DLEC1: variants seen among roughly 807,000 people sequenced by gnomAD.
DLEC1 encodes the protein DLEC1 cilia and flagella associated protein, also known as deleted in lung and esophageal cancer protein 1.
Under a neutral mutation model 198.1 loss-of-function variants are expected in DLEC1, and 146 were observed. That is an observed-to-expected ratio of 0.74 (90% CI 0.64 to 0.85). The LOEUF is 0.85. Among genes scored for constraint, DLEC1 ranks in the 40% least tolerant of loss-of-function variants. The probability of loss-of-function intolerance (pLI) is 0.00; values close to 1 mark genes in which losing one functional copy is unlikely to be tolerated. For synonymous variants in DLEC1, 897 were observed against 866.8 expected, an observed-to-expected ratio of 1.03 and a Z score of -0.61; for missense variants, 2,233 against 2,220.0, an observed-to-expected ratio of 1.01 and a Z score of -0.12.
chr3:38,109,443 C>A lies in DLEC1; in HGVS notation c.3141C>A (p.Thr1047=), dbSNP rs754639992. The A allele has an allele frequency of 1.9e-6, 3 of 1,614,154 alleles. No individual in the cohort carries two copies. The highest frequency in any genetic ancestry group is 1.7e-5 in the Admixed American group (1 of 60,030). The part of the protein sequence containing the change: ...ELTAHTQEEL[T]HLALPCHVSG... ...GGGCTTTCTTATAGGAAGAGCTGAC[C>A]CATCTGGCCCTCCCTTGTCACGTGT... The change falls in exon 22 of 37, where the codon ACC becomes ACA. Residue 1047 remains threonine (T), a synonymous_variant. Coordinates refer to ENST00000308059, the MANE Select transcript of DLEC1 (RefSeq NM_007335.4).
chr3:38,079,581 G>C (rs1697845653), intron 6 of DLEC1, among the ~76,000 whole-genome samples: 1 of 152,224 alleles, frequency 6.6e-6, no homozygotes, highest in South Asian at 2.1e-4. Context: ...GTCAGTCAGA[G>C]AGCCTTGGGC....
At chr3:38,072,461 A>G (rs1228408113) in intron 6 of DLEC1, among the ~76,000 whole-genome samples, 1 of 152,178 alleles carries the variant, frequency 6.6e-6, no homozygotes, top group Admixed American at 6.5e-5. Context: ...GTCCTTGTGT[A>G]AGAATTCTGA....
At position 38,116,805 on chromosome 3, in the gene DLEC1, G is replaced by C. The variant is rs113519411; in HGVS notation, c.4095G>C (p.Val1365=). 6.2e-7 allele frequency: 1 copy of C among 1,613,716 alleles called. No homozygotes were observed. The highest frequency in any genetic ancestry group is 2.2e-5 in the East Asian group (1 of 44,878). The part of the protein sequence containing the change: ...VEGSSSASNR[V]AQKLISVILQ... ...GCAGCTCCAGTGCCAGCAATAGGGT[G>C]GCACAGAAGCTCATCTCAGTCATCC... Residue 1365 remains valine (V), a synonymous_variant, in exon 29 of 37, where the codon GTG becomes GTC. Coordinates refer to ENST00000308059, the MANE Select transcript of DLEC1 (RefSeq NM_007335.4).
intron 1 of DLEC1, among the ~76,000 whole-genome samples, chr3:38,039,922 T>G (rs772325565): frequency 3.3e-5 from 5 of 152,260 alleles, no homozygotes; most frequent in African/African-American, 4.8e-5. Context: ...AATGAACGAC[T>G]GCGGCAGACC....
At chr3:38,084,619 A>AGTGGTGGTGGTGGTG (rs1164137787) in intron 7 of DLEC1, among the ~76,000 whole-genome samples, 1 of 74,556 alleles carries the variant, frequency 1.3e-5, no homozygotes. Flanking sequence ...CAGTAGCAGT[A>AGTGGTGGTGGTGGTG]CTGCTACTAC....
At chr3:38,060,613 T>C (rs4679019) in intron 3 of DLEC1, among the ~76,000 whole-genome samples, 1 of 151,986 alleles carries the variant, frequency 6.6e-6, no homozygotes, top group Non-Finnish European at 1.5e-5. Flanking sequence ...TGGGGAGAGT[T>C]CCACTGATGG....
rs71323654 is a variant in DLEC1, at chr3:38,122,985, T to G, written c.*573T>G. 3 of 1,563,796 alleles carry G rather than the reference T, an allele frequency of 1.9e-6. No individual in the cohort carries two copies. Among genetic ancestry groups the G allele is most frequent in the Admixed American group, 1.7e-5 (1 of 59,740 alleles). On this transcript the variant is annotated 3_prime_UTR_variant, in exon 37 of 37. Coordinates refer to ENST00000308059, the MANE Select transcript of DLEC1 (RefSeq NM_007335.4). ...CCCATGTGGTTTTGCTTTTGTGGTG[T>G]TACTGCCTTGCTGCTAGAGCAGCAG...
At chr3:38,069,937 G>A (rs538925704) in intron 6 of DLEC1, among the ~76,000 whole-genome samples, 1 of 152,290 alleles carries the variant, frequency 6.6e-6, no homozygotes, top group East Asian at 1.9e-4. Context: ...TTTATCTGGT[G>A]GGGGGCTGGT....
intron 7 of DLEC1, among the ~76,000 whole-genome samples, chr3:38,084,491 G>T (rs866562849): frequency 1.8e-5 from 2 of 108,790 alleles, no homozygotes; most frequent in African/African-American, 3.8e-5. Context: ...TAGTAGTGGT[G>T]GTAGTAGTAG....
At position 38,084,233 on chromosome 3, in the gene DLEC1, G is replaced by A. The variant is rs146022078; in HGVS notation, c.1249G>A (p.Ala417Thr). The A allele has an allele frequency of 5.6e-5, 90 of 1,612,236 alleles. No homozygotes were observed. The highest frequency in any genetic ancestry group is 1.7e-4 in the Middle Eastern group (1 of 6,040). The change falls in exon 7 of 37, where the codon GCT (alanine) becomes ACT (threonine). Residue 417 changes from alanine (A) to threonine (T), a missense_variant. Transcript: ENST00000308059. ...RVLPPSTPYF[A>T]LGLGMFPGKG... ...CCTCCCGCCTTCCACGCCATACTTC[G>A]CTCTGGGACTGGGTAAGTTCAGTAT...
In DLEC1 at chr3:38,115,105, G is replaced by C. The variant is rs759755559; in HGVS notation, c.3856+52G>C. 1.6e-5 allele frequency: 26 copies of C among 1,602,296 alleles called. No individual in the cohort carries two copies. The South Asian group carries it at 2.8e-4, about 17-fold the overall frequency. ...GTTCTTGCCACAGGCTGTGCCTTGT[G>C]GTGAGCCAGGCTGGGAGGGAAGGTG... On this transcript the variant is annotated intron_variant, in intron 27 of 36. Coordinates refer to ENST00000308059, the MANE Select transcript of DLEC1 (RefSeq NM_007335.4).
Position 38,039,250 on chromosome 3 carries a change from C to G in DLEC1, c.25C>G (p.Arg9Gly). METRSSKTRRSLASRTNEC... is the reference protein window; with the variant it reads METRSSKTGRSLASRTNEC... ...CATGGAGACCAGGAGCTCCAAAACG[C>G]GGAGGTCTTTAGCGTCCCGGACCAA... Residue 9 changes from arginine to glycine, a missense_variant, in exon 1 of 37, where the codon CGG becomes GGG. Physicochemically the swap from Arg to Gly is moderately radical, Grantham distance 125. Coordinates refer to ENST00000308059, the MANE Select transcript of DLEC1 (RefSeq NM_007335.4). The G allele has an allele frequency of 1.9e-6, 3 of 1,609,340 alleles. No individual in the cohort carries two copies. The highest frequency in any genetic ancestry group is 2.5e-6 in the Non-Finnish European group (3 of 1,176,918).
At chr3:38,060,542 T>C (rs977914458) in intron 3 of DLEC1, among the ~76,000 whole-genome samples, 2 of 151,954 alleles carry the variant, frequency 1.3e-5, no homozygotes, top group Non-Finnish European at 2.9e-5. Context: ...TCTCTGGGGC[T>C]TGGGAGCTGA....
At chr3:38,096,526 T>C in intron 14 of DLEC1, 43 bp from the exon 15 acceptor site, 1 of 1,586,548 alleles carries the variant, frequency 6.3e-7, no homozygotes, top group Non-Finnish European at 8.6e-7. Flanking sequence ...AGGATGTGCT[T>C]CCAGGTGTGC....
At chr3:38,062,027 A>C (rs1486230837) in intron 3 of DLEC1, 142 bp from the exon 4 acceptor site, 2 of 783,032 alleles carry the variant, frequency 2.6e-6, no homozygotes, top group African/African-American at 1.7e-5. Flanking sequence ...GTTGAAGAGC[A>C]ATTATAGCTG....
chr3:38,048,343 A>G (rs1700970212), intron 2 of DLEC1, among the ~76,000 whole-genome samples: 1 of 152,188 alleles, frequency 6.6e-6, no homozygotes, highest in African/African-American at 2.4e-5. Flanking sequence ...GAAAATTATC[A>G]TTTTCCAGTG....
chr3:38,062,880 C>T (rs1467489641), intron 5 of DLEC1, 79 bp downstream of exon 5: 1 of 1,452,074 alleles, frequency 6.9e-7, no homozygotes, highest in Non-Finnish European at 9.4e-7. Flanking sequence ...TTTGGTCTGG[C>T]TGTAGAGGTC....
intron 35 of DLEC1, 113 bp downstream of exon 35, chr3:38,121,894 G>C: frequency 6.6e-7 from 1 of 1,515,902 alleles, no homozygotes; most frequent in Non-Finnish European, 8.9e-7. Context: ...CCCAGGGCAG[G>C]CACCACTTGG....
intron 25 of DLEC1, among the ~76,000 whole-genome samples, chr3:38,114,006 C>T (rs759950780): frequency 6.6e-6 from 1 of 151,426 alleles, no homozygotes; most frequent in Non-Finnish European, 1.5e-5. Flanking sequence ...GGTGCAGTGG[C>T]TCACACTTGT....
Sources: gnomAD v4.1 joint callset for allele counts (sites outside exome capture counted in the v4.1 genomes callset) on GRCh38, gnomAD v4.1.1 for gene constraint, MANE v1.5 for transcripts, NCBI Gene and HGNC (gene_info 2026-07-23, HGNC 2026-07-21) for gene names.